Variants in CHUK observed in about 807,000 individuals in gnomAD.
CHUK encodes the protein component of inhibitor of nuclear factor kappa B kinase complex.
CHUK carries 35 observed loss-of-function variants against 104.8 expected under a neutral mutation model. The observed-to-expected ratio is 0.33, with a 90% CI of 0.26 to 0.44. The LOEUF is 0.44. Among genes scored for constraint, CHUK ranks in the 20% least tolerant of loss-of-function variants. The pLI is 1.00. For synonymous variants in CHUK, 276 were observed against 291.9 expected, an observed-to-expected ratio of 0.95 and a Z score of 0.56; for missense variants, 663 against 902.7, an observed-to-expected ratio of 0.73 and a Z score of 3.40.
At chr10:100,228,451 C>T (rs1846153470) in intron 1 of CHUK, among the ~76,000 whole-genome samples, 1 of 152,102 alleles carries the variant, frequency 6.6e-6, no homozygotes, top group African/African-American at 2.4e-5. Flanking sequence ...GTCAGGAGTT[C>T]GAGACCAGCC....
intron 11 of CHUK, among the ~76,000 whole-genome samples, chr10:100,205,820 C>T (rs991638523): frequency 2.0e-5 from 3 of 152,094 alleles, no homozygotes; most frequent in Admixed American, 6.5e-5. Flanking sequence ...CCCAGCTACT[C>T]GGGAGACTGA....
intron 19 of CHUK, 137 bp from the exon 20 acceptor site, chr10:100,191,105 T>C: frequency 1.4e-6 from 1 of 702,730 alleles, no homozygotes; most frequent in East Asian, 2.7e-5. Context: ...ACTCCTGTAG[T>C]CTTTAGTTTC....
chr10:100,202,208 GC>G (rs1415990287), intron 13 of CHUK, 59 bp from the exon 14 acceptor site: 1 of 1,120,522 alleles, frequency 8.9e-7, no homozygotes, highest in Non-Finnish European at 1.4e-6. Flanking sequence ...ATTACTGGCT[GC>G]CTGCCTCCTT....
chr10:100,198,379 T>A (rs1174127684), intron 16 of CHUK, among the ~76,000 whole-genome samples: 2 of 152,240 alleles, frequency 1.3e-5, no homozygotes, highest in African/African-American at 2.4e-5. Flanking sequence ...AATAAAATAA[T>A]ATTTTTACTG....
intron 1 of CHUK, among the ~76,000 whole-genome samples, chr10:100,227,530 G>C (rs1846132010): frequency 6.6e-6 from 1 of 151,630 alleles, no homozygotes; most frequent in African/African-American, 2.4e-5. Context: ...CATGCCACTG[G>C]AAGCACTTGG....
chr10:100,220,695 A>T lies in CHUK; in HGVS notation c.386-19T>A. 6.6e-7 allele frequency: 1 copy of T among 1,511,668 alleles called. No homozygotes were observed. The highest frequency in any genetic ancestry group is 9.2e-7 in the Non-Finnish European group (1 of 1,087,534). The allele number at this position is 1,511,668 out of a possible 1,614,324, so 93.6% of individuals were successfully genotyped here. A position where few individuals can be genotyped will look rare whatever the true frequency, so the allele number is the denominator to read the frequency against. ...CCAGACCCTAAATAAAGTTTAAAAT[A>T]TACTTTAAAGTAACAGAAATCATTG... On this transcript the variant is annotated intron_variant, in intron 4 of 20. Transcript: ENST00000370397.
Position 100,196,723 on chromosome 10 carries a change from A to G in CHUK, c.1730-2202T>C, listed in dbSNP as rs543479946. Among the ~76,000 whole-genome samples, 5 of 152,288 alleles carry G rather than the reference A, an allele frequency of 3.3e-5. No homozygotes were observed. In the East Asian group the frequency reaches 5.8e-4, roughly 18 times the overall value. ...GATTCTTAATGAATGTTTTGGGTCA[A>G]CAACATCTTCCACTGCACACAGTGG... is the stretch of plus-strand genomic sequence containing the variant. On this transcript the variant is annotated intron_variant, in intron 16 of 20. Coordinates refer to ENST00000370397, the MANE Select transcript of CHUK (RefSeq NM_001278.5).
chr10:100,196,172 T>A (rs1845321796), intron 16 of CHUK, among the ~76,000 whole-genome samples: 1 of 152,210 alleles, frequency 6.6e-6, no homozygotes, highest in Non-Finnish European at 1.5e-5. Flanking sequence ...AATATTTTAC[T>A]CTAGCTACAA....
At chr10:100,214,536 G>A (rs1412192197) in intron 9 of CHUK, among the ~76,000 whole-genome samples, 1 of 152,202 alleles carries the variant, frequency 6.6e-6, no homozygotes, top group Non-Finnish European at 1.5e-5. Flanking sequence ...ACTGAAAAGA[G>A]TTCCTTTAGG....
At chr10:100,227,771 A>G (rs554015419) in intron 1 of CHUK, among the ~76,000 whole-genome samples, 3 of 152,280 alleles carry the variant, frequency 2.0e-5, no homozygotes, top group South Asian at 2.1e-4. Context: ...TATTTTCCCA[A>G]GGTAGACTCC....
chr10:100,199,921 A>T, intron 16 of CHUK, 50 bp downstream of exon 16: 1 of 1,252,428 alleles, frequency 8.0e-7, no homozygotes, highest in Non-Finnish European at 1.2e-6. Context: ...TTGTTAGGCT[A>T]GTGATAGTTA....
chr10:100,220,664 C>T lies in CHUK; in HGVS notation c.398G>A (p.Arg133Gln), dbSNP rs774403088. 7 of 1,604,302 alleles carry T rather than the reference C, an allele frequency of 4.4e-6. No individual in the cohort carries two copies. The South Asian group carries it at 7.7e-5, about 18-fold the overall frequency. ...TATAATTTTGTTTTCATGCAAATAT[C>T]GAATCCCAGACCCTAAATAAAGTTT... Reference protein sequence around the residue: ...SLLSDIGSGIRYLHENKIIHR... With the variant: ...SLLSDIGSGIQYLHENKIIHR... Residue 133 changes from arginine to glutamine, a missense_variant, in exon 5 of 21, where the codon CGA becomes CAA. Transcript: ENST00000370397.
chr10:100,222,291 C>A, intron 3 of CHUK, 110 bp from the exon 4 acceptor site: 1 of 674,324 alleles, frequency 1.5e-6, no homozygotes, highest in Admixed American at 2.2e-5. Context: ...GAAAATAAGT[C>A]ATAATAAAAT....
intron 16 of CHUK, chr10:100,195,279 ATAATAATATTTGC>A (rs1418348615): frequency 6.6e-6 from 1 of 152,242 alleles, no homozygotes; most frequent in Admixed American, 6.5e-5. Flanking sequence ...AAATGCAATA[ATAATAATATTTGC>A]TACTCTCTGC....
intron 9 of CHUK, among the ~76,000 whole-genome samples, chr10:100,213,507 A>G (rs1162563719): frequency 6.6e-6 from 1 of 152,028 alleles, no homozygotes; most frequent in East Asian, 1.9e-4. Flanking sequence ...AAAAAAATTA[A>G]AAGCGTATTA....
chr10:100,213,096 G>A (rs867942938), intron 9 of CHUK, among the ~76,000 whole-genome samples: 15 of 152,126 alleles, frequency 9.9e-5, no homozygotes, highest in African/African-American at 2.6e-4. Context: ...TTTAGCTGAT[G>A]GATATGCTAA....
rs371653189 is a variant in CHUK, at chr10:100,202,082, T to G, written c.1569+6A>C. 300 of 1,600,530 alleles carry G rather than the reference T, an allele frequency of 1.9e-4. 1 individual carries two copies. Among genetic ancestry groups the G allele is most frequent in the Non-Finnish European group, 2.5e-4 (290 of 1,168,150 alleles). On this transcript the variant is annotated splice_donor_region_variant and intron_variant, in intron 14 of 20. Transcript: ENST00000370397. ...TAAGTATACAGAATGACGTCAATGA[T>G]TTTACCTCAGCATAGTGGATGGCCT...
chr10:100,226,861 A>ATTCC (rs745941573), intron 1 of CHUK, among the ~76,000 whole-genome samples: 5 of 152,352 alleles, frequency 3.3e-5, no homozygotes, highest in Admixed American at 2.0e-4. Context: ...TAGGTGGGGA[A>ATTCC]GCAAGACATA....
intron 13 of CHUK, among the ~76,000 whole-genome samples, chr10:100,202,615 G>T (rs536161159): frequency 6.6e-6 from 1 of 152,272 alleles, no homozygotes; most frequent in African/African-American, 2.4e-5. Flanking sequence ...AGCCTCCAGG[G>T]CTGTGAGACA....
Sources: gnomAD v4.1 joint callset for allele counts (sites outside exome capture counted in the v4.1 genomes callset) on GRCh38, gnomAD v4.1.1 for gene constraint, MANE v1.5 for transcripts, NCBI Gene and HGNC (gene_info 2026-07-23, HGNC 2026-07-21) for gene names.